The following ZP3 variants were observed in gnomAD, a reference collection of about 807,000 sequenced individuals.
The protein encoded by ZP3 is zona pellucida sperm-binding protein 3.
In ZP3, 21 loss-of-function variants were observed where a neutral mutation model predicts 35.6. The observed-to-expected ratio is 0.59, with a 90% confidence interval of 0.42 to 0.85. ZP3 has a LOEUF of 0.85. Ranked by LOEUF, ZP3 falls within the 40% of genes least tolerant of loss-of-function variation. ZP3 has a pLI of 0.00. For synonymous variants in ZP3, 207 were observed against 214.5 expected (o/e 0.96, Z 0.31); for missense variants, 437 against 536.5 (o/e 0.81, Z 1.83).
chr7:76,411,687 C>A (rs1195724499), intron 1 of ZP3, among the ~76,000 whole-genome samples: 1 of 152,116 alleles, frequency 6.6e-6, no homozygotes, highest in African/African-American at 2.4e-5. Context: ...GTTCCTCACA[C>A]ATTGCTGATG....
chr7:76,404,513 T>G, intron 1 of ZP3: 1 of 1,609,176 alleles, frequency 6.2e-7, no homozygotes, highest in Non-Finnish European at 8.5e-7. Flanking sequence ...CATCTGAAAT[T>G]AAAGATCCCA....
chr7:76,427,307 G>A (rs1366548751), intron 1 of ZP3, among the ~76,000 whole-genome samples: 1 of 152,108 alleles, frequency 6.6e-6, no homozygotes, highest in African/African-American at 2.4e-5. Flanking sequence ...ACGAGGTCAG[G>A]AGTTCAAGAC....
upstream of ZP3, among the ~76,000 whole-genome samples, chr7:76,420,741 G>C (rs1192246877): frequency 1.3e-5 from 2 of 151,898 alleles, no homozygotes; most frequent in South Asian, 4.1e-4. Flanking sequence ...TTTTTATTTT[G>C]AAATTAAACT....
rs372272890 is a variant in ZP3 at position 76,431,163 on chromosome 7, G to A, written c.431+1530G>A. On this transcript the variant is annotated intron_variant, in intron 2 of 7. Transcript: ENST00000394857. ...GGCCTGACCCATGGTTGCAGGGACC[G>A]TAGAGGCTGACTCGCAGGAGCTAAG... Among the ~76,000 whole-genome samples the A allele has an allele frequency of 3.2e-4, 48 of 152,196 alleles. 1 individual carries two copies. The highest frequency in any genetic ancestry group is 6.3e-4 in the Non-Finnish European group (43 of 68,032).
At chr7:76,417,699 A>C (rs1805409407) in intron 1 of ZP3, among the ~76,000 whole-genome samples, 1 of 149,364 alleles carries the variant, frequency 6.7e-6, no homozygotes, top group South Asian at 2.1e-4. Flanking sequence ...GCAGCCTTGA[A>C]CTCCTGGACT....
chr7:76,410,500 G>A (rs1409246155), intron 1 of ZP3, among the ~76,000 whole-genome samples: 7 of 150,304 alleles, frequency 4.7e-5, no homozygotes, highest in Admixed American at 2.7e-4. Flanking sequence ...TTACAGGCAT[G>A]AGCCACTGCA....
At chr7:76,419,283 G>T (rs1380785983) in intron 1 of ZP3, among the ~76,000 whole-genome samples, 1 of 152,180 alleles carries the variant, frequency 6.6e-6, no homozygotes, top group South Asian at 2.1e-4. Context: ...CTGCCCTGAA[G>T]ATCATATTTT....
At chr7:76,437,207 G>T (rs1444122020) in intron 5 of ZP3, among the ~76,000 whole-genome samples, 1 of 119,864 alleles carries the variant, frequency 8.3e-6, no homozygotes, top group Non-Finnish European at 1.6e-5. Flanking sequence ...ACAGAGTCTC[G>T]CTCTGTCACC....
upstream of ZP3, among the ~76,000 whole-genome samples, chr7:76,420,630 T>C (rs1805482961): frequency 6.6e-6 from 1 of 152,172 alleles, no homozygotes; most frequent in African/African-American, 2.4e-5. Context: ...CATATTTTGT[T>C]TTAGCAATTG....
upstream of ZP3, among the ~76,000 whole-genome samples, chr7:76,423,511 A>G (rs186036805): frequency 3.5e-4 from 53 of 152,268 alleles, no homozygotes; most frequent in East Asian, 9.8e-3. Context: ...TTGGTTTGAT[A>G]TTTGAATCTC....
intron 1 of ZP3, among the ~76,000 whole-genome samples, chr7:76,416,945 C>CATAT (rs35169816): frequency 0.01 from 757 of 73,214 alleles, 9 homozygotes; most frequent in Middle Eastern, 0.053. Context: ...TGTATACATA[C>CATAT]ATATATATAT....
At chr7:76,400,596 G>A (rs902509208) in intron 1 of ZP3, 1 of 1,456,248 alleles carries the variant, frequency 6.9e-7, no homozygotes, top group Non-Finnish European at 9.1e-7. Context: ...TCAGCTCTGT[G>A]AAGAGGGTGG....
chr7:76,433,216 C>G (rs563076063), intron 3 of ZP3, among the ~76,000 whole-genome samples, 186 bp downstream of exon 3: 1 of 133,142 alleles, frequency 7.5e-6, no homozygotes, highest in East Asian at 2.4e-4. Context: ...TGCAGTGGCA[C>G]GATCTCAGCT....
intron 1 of ZP3, among the ~76,000 whole-genome samples, chr7:76,412,996 T>A (rs1475743089): frequency 7.0e-6 from 1 of 143,254 alleles, no homozygotes; most frequent in African/African-American, 2.5e-5. Context: ...GGAGTCTTTC[T>A]CTGTTGCCCA....
intron 1 of ZP3, among the ~76,000 whole-genome samples, chr7:76,413,788 C>A (rs1805305338): frequency 6.7e-6 from 1 of 149,310 alleles, no homozygotes; most frequent in African/African-American, 2.5e-5. Context: ...CACCTCAGTT[C>A]CCCGAGTAGC....
chr7:76,429,931 T>C (rs1223214076), intron 2 of ZP3, among the ~76,000 whole-genome samples: 1 of 152,076 alleles, frequency 6.6e-6, no homozygotes, highest in Non-Finnish European at 1.5e-5. Context: ...CTTCCAATAG[T>C]GCTAGGCTGG....
At chr7:76,404,083 A>C (rs1379339298) in intron 1 of ZP3, among the ~76,000 whole-genome samples, 2 of 151,996 alleles carry the variant, frequency 1.3e-5, no homozygotes, top group Non-Finnish European at 2.9e-5. Context: ...AGTGTCCCCT[A>C]ACTGCCCATT....
intron 1 of ZP3, among the ~76,000 whole-genome samples, chr7:76,418,349 G>A (rs897447775): frequency 1.3e-5 from 2 of 151,832 alleles, no homozygotes; most frequent in East Asian, 1.9e-4. Context: ...TCAGGAGATC[G>A]AGACCAGCCT....
At chr7:76,420,132 CCTTCCTCTTCCCCTTCCTATTCCT>C (rs1805471921), upstream of ZP3, among the ~76,000 whole-genome samples, 1 of 151,032 alleles carries the variant, frequency 6.6e-6, no homozygotes, top group African/African-American at 2.4e-5. Context: ...CCCCTCCTCC[CCTTCCTCTTCCCCTTCCTATTCCT>C]CTTCCTCTTC....
Sources: allele counts gnomAD v4.1 joint callset (sites outside exome capture counted in the v4.1 genomes callset), GRCh38; gene constraint gnomAD v4.1.1; transcripts MANE v1.5; gene names NCBI Gene and HGNC (gene_info 2026-07-23, HGNC 2026-07-21).